Variants in FARP2 observed in about 807,000 individuals in gnomAD.
FARP2 encodes FERM, ARH/RhoGEF and pleckstrin domain protein 2.
Under a neutral mutation model 130.5 loss-of-function variants are expected in FARP2, and 111 were observed. The observed-to-expected ratio is 0.85, with a 90% CI of 0.73 to 1.00. FARP2 has a LOEUF of 1.00. Among genes scored for constraint, FARP2 ranks in the 50% least tolerant of loss-of-function variants. The pLI is 0.00. For missense variants in FARP2, 1,385 were observed against 1,346.3 expected, an observed-to-expected ratio of 1.03 and a Z score of -0.45; for synonymous variants, 504 against 516.9, an observed-to-expected ratio of 0.98 and a Z score of 0.34.
intron 1 of FARP2, among the ~76,000 whole-genome samples, chr2:241,365,134 C>T (rs1486560581): frequency 2.0e-5 from 3 of 152,188 alleles, no homozygotes; most frequent in Non-Finnish European, 4.4e-5. Flanking sequence ...TCCTTATGTA[C>T]ATCAAAAATT....
chr2:241,445,830 C>G (rs987230766), intron 13 of FARP2: 2 of 152,256 alleles, frequency 1.3e-5, no homozygotes, highest in Admixed American at 6.5e-5. Context: ...CATCCTCCGC[C>G]CGCAGTCTCA....
chr2:241,421,053 G>C (rs1423136869), intron 8 of FARP2, among the ~76,000 whole-genome samples: 2 of 152,074 alleles, frequency 1.3e-5, no homozygotes, highest in African/African-American at 4.8e-5. Flanking sequence ...GGGGTTGATG[G>C]CCCACCCAAG....
At chr2:241,410,920 G>T (rs2062501247) in intron 5 of FARP2, 113 bp from the exon 6 acceptor site, 1 of 722,924 alleles carries the variant, frequency 1.4e-6, no homozygotes, top group Non-Finnish European at 2.4e-6. Context: ...GCTCACTGTT[G>T]GGTCACTGCC....
rs570988619 is a variant in FARP2, at chr2:241,409,567, A to G, written c.411-1466A>G. On this transcript the variant is annotated intron_variant, in intron 5 of 26. Coordinates refer to ENST00000264042, the MANE Select transcript of FARP2 (RefSeq NM_014808.4). The stretch of plus-strand genomic sequence containing the variant: ...CTGTCTCAAAAAAAATAAGTAAACA[A>G]AGATAAGTAAAAAGTAAAAGTTCTC... Among the ~76,000 whole-genome samples, 4 of 152,272 alleles carry G rather than the reference A, an allele frequency of 2.6e-5. No homozygotes were observed. The East Asian group carries it at 7.7e-4, about 29-fold the overall frequency.
At position 241,491,477 on chromosome 2, in the gene FARP2, CA is replaced by C. The variant is rs772311662; in HGVS notation, c.2624-38del. ...GGAAGTATTTGGCAAGCAGAGGCCA[CA>C]GGGGGTTCCCCCTGAGACGCTGCTG... On this transcript the variant is annotated intron_variant, in intron 23 of 26. Transcript: ENST00000264042. 34 of 1,609,876 alleles carry C rather than the reference CA, an allele frequency of 2.1e-5. No homozygotes were observed. The African/African-American group carries it at 2.3e-4, about 11-fold the overall frequency.
intron 13 of FARP2, chr2:241,446,869 G>A (rs1264949948): frequency 3.9e-5 from 6 of 152,174 alleles, no homozygotes; most frequent in African/African-American, 7.2e-5. Flanking sequence ...CCCTCTCCAC[G>A]TGGTGGTCCA....
At chr2:241,362,496 G>T (rs1291501527) in intron 1 of FARP2, among the ~76,000 whole-genome samples, 1 of 152,032 alleles carries the variant, frequency 6.6e-6, no homozygotes, top group Non-Finnish European at 1.5e-5. Flanking sequence ...CAACTACTCG[G>T]GAGGCTGAGG....
intron 1 of FARP2, among the ~76,000 whole-genome samples, chr2:241,362,899 C>T (rs1434503295): frequency 1.3e-5 from 2 of 152,228 alleles, no homozygotes; most frequent in Non-Finnish European, 2.9e-5. Context: ...ATGATAACCA[C>T]TATAAATGTA....
At chr2:241,377,251 G>A (rs2061558478) in intron 2 of FARP2, among the ~76,000 whole-genome samples, 1 of 151,846 alleles carries the variant, frequency 6.6e-6, no homozygotes, top group South Asian at 2.1e-4. Flanking sequence ...GTGGTGCTGT[G>A]CAGATTCCCC....
intron 13 of FARP2, chr2:241,447,076 T>G (rs890120992): frequency 3.3e-5 from 5 of 152,360 alleles, no homozygotes; most frequent in African/African-American, 1.2e-4. Flanking sequence ...ATTTATAAAT[T>G]TGCAGATATG....
intron 2 of FARP2, among the ~76,000 whole-genome samples, chr2:241,393,059 GC>G (rs1331156507): frequency 6.6e-6 from 1 of 151,108 alleles, no homozygotes; most frequent in Admixed American, 6.6e-5. Context: ...TCACTCCATT[GC>G]CCAGGCTGGA....
rs1025909473 is a variant in FARP2, at chr2:241,394,014, G to A, written c.184-9814G>A. On this transcript the variant is annotated intron_variant, in intron 2 of 26. Transcript: ENST00000264042. The stretch of plus-strand genomic sequence containing the variant: ...TCAGCAGGAAGCACAGTGTGATGGC[G>A]GGGTTTTCTTCCATTCTGAGCATCT... Among the ~76,000 whole-genome samples the A allele has an allele frequency of 2.0e-5, 3 of 152,282 alleles. 1 individual carries two copies. The highest frequency in any genetic ancestry group is 2.4e-5 in the African/African-American group (1 of 41,552).
intron 1 of FARP2, among the ~76,000 whole-genome samples, chr2:241,363,492 T>C (rs1178907516): frequency 1.3e-5 from 2 of 152,170 alleles, no homozygotes; most frequent in African/African-American, 4.8e-5. Flanking sequence ...ACTAGGGAGA[T>C]TCCAGAGAGG....
chr2:241,491,798 T>A, intron 24 of FARP2, 119 bp downstream of exon 24: 1 of 924,894 alleles, frequency 1.1e-6, no homozygotes, highest in Admixed American at 3.0e-5. Context: ...CCCAGAGGAC[T>A]GCCTCTTACT....
chr2:241,483,870 C>T (rs1455223139), intron 20 of FARP2: 5 of 985,234 alleles, frequency 5.1e-6, no homozygotes, highest in East Asian at 2.3e-4. Context: ...AATGGCCAGT[C>T]GGGACAGTTT....
At chr2:241,431,921 A>C in intron 9 of FARP2, 147 bp downstream of exon 9, 1 of 231,908 alleles carries the variant, frequency 4.3e-6, no homozygotes, top group Non-Finnish European at 7.9e-6. Context: ...TCCCGGGTTC[A>C]AGCGATTCTC....
intron 2 of FARP2, among the ~76,000 whole-genome samples, chr2:241,396,727 C>G (rs1367852863): frequency 6.6e-6 from 1 of 152,200 alleles, no homozygotes; most frequent in Non-Finnish European, 1.5e-5. Context: ...CGCTTTTACA[C>G]TGTTGGTGGG....
chr2:241,418,308 G>A (rs937678891), intron 8 of FARP2, among the ~76,000 whole-genome samples, 199 bp downstream of exon 8: 12 of 152,140 alleles, frequency 7.9e-5, no homozygotes, highest in Non-Finnish European at 1.3e-4. Context: ...TCTGACACAC[G>A]TGTGACTGTC....
rs1466536432 is a variant in FARP2, at chr2:241,475,040, T to C, written c.2132-817T>C. Among the ~76,000 whole-genome samples the C allele has an allele frequency of 1.3e-5, 2 of 152,206 alleles. No individual in the cohort carries two copies. The highest frequency in any genetic ancestry group is 2.4e-5 in the African/African-American group (1 of 41,442). On this transcript the variant is annotated intron_variant, in intron 18 of 26. Coordinates refer to ENST00000264042, the MANE Select transcript of FARP2 (RefSeq NM_014808.4). This position sits in a 1 kb window ranked among gnomAD's most constrained non-coding sequence, Gnocchi z 4.4. ...TGTCCAGATTATAAACTTTCTCTTA[T>C]CTTTGCTTGAACTATAAGATTAGCA...
Sources: allele counts gnomAD v4.1 joint callset (sites outside exome capture counted in the v4.1 genomes callset), GRCh38; gene constraint gnomAD v4.1.1; non-coding constraint Gnocchi (gnomAD v3.1); transcripts MANE v1.5; gene names NCBI Gene and HGNC (gene_info 2026-07-23, HGNC 2026-07-21).